The following CEP112 variants were observed in gnomAD, a reference collection of about 807,000 sequenced individuals.
The protein encoded by CEP112 is centrosomal protein of 112 kDa.
In CEP112, 127 loss-of-function variants were observed where a neutral mutation model predicts 153.0. The ratio of observed to expected loss-of-function variants is 0.83; its 90% CI spans 0.72 to 0.96. The LOEUF is 0.96. Ranked by LOEUF, CEP112 falls within the 40% of genes least tolerant of loss-of-function variation. The pLI, the probability that CEP112 is intolerant of heterozygous loss-of-function variation, is 0.00. For missense variants in CEP112, 1,089 were observed against 1,101.2 expected (o/e 0.99, Z 0.16); for synonymous variants, 358 against 374.4 (o/e 0.96, Z 0.51).
At chr17:65,901,036 A>C (rs2059828370) in intron 20 of CEP112, among the ~76,000 whole-genome samples, 1 of 152,220 alleles carries the variant, frequency 6.6e-6, no homozygotes. Context: ...ATGAAAAATA[A>C]CCAATAACTC....
intron 17 of CEP112, among the ~76,000 whole-genome samples, chr17:65,966,574 C>T (rs910403795): frequency 1.3e-5 from 2 of 152,192 alleles, no homozygotes. Context: ...AGAAGAGTCC[C>T]CATGCCCTTT....
chr17:66,172,877 A>C (rs563126251), intron 4 of CEP112, among the ~76,000 whole-genome samples: 1 of 152,302 alleles, frequency 6.6e-6, no homozygotes, highest in African/African-American at 2.4e-5. Context: ...ATACTACCAG[A>C]TATAAGGATA....
rs538644908 is a variant in CEP112, at chr17:66,156,362, A to G, written c.470+18682T>C. On this transcript the variant is annotated intron_variant, in intron 4 of 26. Coordinates refer to ENST00000535342, the MANE Select transcript of CEP112 (RefSeq NM_001199165.4). ...ATCAACAAAAAGGGTGTCCACACAG[A>G]AACCCCATCTGAAGGTCACCAACAT... 3.3e-5 allele frequency among the ~76,000 whole-genome samples: 5 copies of G among 152,320 alleles called. 1 individual carries two copies. In the South Asian group the frequency reaches 1.0e-3, roughly 32 times the overall value.
chr17:65,829,656 C>T (rs971363866), intron 21 of CEP112, among the ~76,000 whole-genome samples: 1 of 152,184 alleles, frequency 6.6e-6, no homozygotes, highest in Non-Finnish European at 1.5e-5. Flanking sequence ...AAAATAATTA[C>T]AGTCTAGCTA....
chr17:65,812,003 A>AT (rs927430606), intron 21 of CEP112, among the ~76,000 whole-genome samples: 21 of 150,362 alleles, frequency 1.4e-4, no homozygotes, highest in South Asian at 4.2e-4. Flanking sequence ...ATTAAAATAC[A>AT]TTTTTTTTTC....
chr17:66,073,368 T>A (rs2067370206), intron 8 of CEP112, among the ~76,000 whole-genome samples: 1 of 152,174 alleles, frequency 6.6e-6, no homozygotes, highest in African/African-American at 2.4e-5. Flanking sequence ...AGGTCAGAGT[T>A]CTGAGCAGTT....
At chr17:66,183,745 T>A (rs545331595) in intron 1 of CEP112, among the ~76,000 whole-genome samples, 1 of 152,128 alleles carries the variant, frequency 6.6e-6, no homozygotes, top group South Asian at 2.1e-4. Flanking sequence ...CAACAAATGA[T>A]GTCATAACAA....
chr17:65,981,398 A>G (rs975692465), intron 17 of CEP112, among the ~76,000 whole-genome samples: 1 of 152,170 alleles, frequency 6.6e-6, no homozygotes, highest in African/African-American at 2.4e-5. Context: ...TAGCCAACAT[A>G]TCTATGAGAA....
intron 17 of CEP112, among the ~76,000 whole-genome samples, chr17:65,999,303 G>A (rs994439832): frequency 1.3e-5 from 2 of 150,348 alleles, no homozygotes; most frequent in Non-Finnish European, 2.9e-5. Flanking sequence ...CTGGGTTCAC[G>A]CCATTCTCCT....
intron 4 of CEP112, among the ~76,000 whole-genome samples, chr17:66,144,916 A>G (rs2070858256): frequency 6.6e-6 from 1 of 152,140 alleles, no homozygotes; most frequent in Non-Finnish European, 1.5e-5. Context: ...TCATATGGTA[A>G]GTTGTCTTAA....
chr17:66,154,239 G>A (rs1232298390), intron 4 of CEP112, among the ~76,000 whole-genome samples: 2 of 152,082 alleles, frequency 1.3e-5, no homozygotes, highest in South Asian at 2.1e-4. Flanking sequence ...GCTAGGCTGG[G>A]CACGGTGGCT....
At position 66,062,470 on chromosome 17, in the gene CEP112, C is replaced by T. The variant is rs2066961311; in HGVS notation, c.1074+493G>A. Among the ~76,000 whole-genome samples the T allele has an allele frequency of 2.0e-5, 3 of 152,102 alleles. No individual in the cohort carries two copies. The East Asian group carries it at 5.8e-4, about 29-fold the overall frequency. ...GAAATGCTAATTACTCTGATTTTATCAGTATATAAAGTATCTATGTATTGA... is the reference window on the plus strand; with the variant it reads ...GAAATGCTAATTACTCTGATTTTATTAGTATATAAAGTATCTATGTATTGA... On this transcript the variant is annotated intron_variant, in intron 11 of 26. Coordinates refer to ENST00000535342, the MANE Select transcript of CEP112 (RefSeq NM_001199165.4).
chr17:66,000,995 G>C (rs1298049136), intron 17 of CEP112, among the ~76,000 whole-genome samples: 1 of 152,282 alleles, frequency 6.6e-6, no homozygotes, highest in Middle Eastern at 3.4e-3. Context: ...GCTTTCCATG[G>C]AACTGTTGTC....
chr17:65,692,375 G>A (rs1437479503), intron 23 of CEP112, among the ~76,000 whole-genome samples: 1 of 151,784 alleles, frequency 6.6e-6, no homozygotes, highest in African/African-American at 2.4e-5. Context: ...TTAAAGGCAT[G>A]TGCCACCACA....
chr17:65,672,306 A>T (rs2047025692), intron 24 of CEP112, among the ~76,000 whole-genome samples: 1 of 152,226 alleles, frequency 6.6e-6, no homozygotes, highest in African/African-American at 2.4e-5. Context: ...GGAAGACTCA[A>T]TATCGCAAAG....
At chr17:65,903,840 T>C (rs1201565313) in intron 19 of CEP112, among the ~76,000 whole-genome samples, 2 of 147,124 alleles carry the variant, frequency 1.4e-5, no homozygotes, top group Non-Finnish European at 3.0e-5. Flanking sequence ...ATACATCACA[T>C]AAACAGAACC....
chr17:66,070,638 G>A (rs1457868086), intron 8 of CEP112, among the ~76,000 whole-genome samples: 1 of 152,070 alleles, frequency 6.6e-6, no homozygotes, highest in Non-Finnish European at 1.5e-5. Flanking sequence ...GGTGCTCTGA[G>A]CAAAGCCAAA....
At chr17:65,846,093 A>C (rs1172588273) in intron 21 of CEP112, among the ~76,000 whole-genome samples, 2 of 152,226 alleles carry the variant, frequency 1.3e-5, no homozygotes, top group Non-Finnish European at 2.9e-5. Context: ...ATACTCAATG[A>C]TAGAAAATGA....
Position 66,138,526 on chromosome 17 carries a change from T to C in CEP112, c.471-5763A>G, listed in dbSNP as rs546136090. Among the ~76,000 whole-genome samples the C allele has an allele frequency of 5.9e-5, 9 of 152,330 alleles. No individual in the cohort carries two copies. In the East Asian group the frequency reaches 1.7e-3, roughly 29 times the overall value. On this transcript the variant is annotated intron_variant, in intron 4 of 26. Transcript: ENST00000535342. The stretch of plus-strand genomic sequence containing the variant: ...TTCATACCACAAAATAATTTGTTAA[T>C]GAATACAGAATATTAAAAGGTGAAA...
Sources: gnomAD v4.1 joint callset for allele counts (sites outside exome capture counted in the v4.1 genomes callset) on GRCh38, gnomAD v4.1.1 for gene constraint, MANE v1.5 for transcripts, NCBI Gene and HGNC (gene_info 2026-07-23, HGNC 2026-07-21) for gene names.